Variants in DLGAP1 observed in about 807,000 individuals in gnomAD.
DLGAP1 encodes the protein disks large-associated protein 1.
In DLGAP1, 11 loss-of-function variants were observed where a neutral mutation model predicts 90.8. That is an observed-to-expected ratio of 0.12 (90% CI 0.08 to 0.20). The LOEUF (loss-of-function observed/expected upper bound fraction) is 0.20, where lower values mean the gene tolerates loss of function less well. Ranked by LOEUF, DLGAP1 falls within the 10% of genes least tolerant of loss-of-function variation. The pLI is 1.00. For missense variants in DLGAP1, 1,050 were observed against 1,333.8 expected (o/e 0.79, Z 3.31); for synonymous variants, 558 against 540.7 (o/e 1.03, Z -0.44).
chr18:4,018,159 A>G (rs1261656182), intron 2 of DLGAP1, among the ~76,000 whole-genome samples: 1 of 152,194 alleles, frequency 6.6e-6, no homozygotes, highest in African/African-American at 2.4e-5. Flanking sequence ...GTTTGCTTCC[A>G]TGGAGGTCTG....
intron 8 of DLGAP1, among the ~76,000 whole-genome samples, chr18:3,569,074 C>A (rs1198915632): frequency 6.6e-6 from 1 of 151,672 alleles, no homozygotes; most frequent in Non-Finnish European, 1.5e-5. Flanking sequence ...GCAATCTCAG[C>A]TCCTGCAACC....
chr18:4,291,719 A>T (rs757546003), intron 1 of DLGAP1, among the ~76,000 whole-genome samples: 3 of 152,174 alleles, frequency 2.0e-5, no homozygotes, highest in Non-Finnish European at 4.4e-5. Context: ...TATTGTGTTT[A>T]TTGTTAAAAT....
At chr18:4,427,911 A>T (rs998712219) in intron 1 of DLGAP1, among the ~76,000 whole-genome samples, 4 of 152,228 alleles carry the variant, frequency 2.6e-5, no homozygotes, top group African/African-American at 9.6e-5. Context: ...GTGTTATTGC[A>T]AAATCATTTC....
chr18:4,115,394 G>C (rs968986121), intron 2 of DLGAP1, among the ~76,000 whole-genome samples: 6 of 151,198 alleles, frequency 4.0e-5, no homozygotes, highest in African/African-American at 1.2e-4. Context: ...TATTTATATA[G>C]TTTGCTGTAT....
At chr18:4,250,586 T>C (rs1317665248) in intron 1 of DLGAP1, among the ~76,000 whole-genome samples, 1 of 152,230 alleles carries the variant, frequency 6.6e-6, no homozygotes, top group Non-Finnish European at 1.5e-5. Flanking sequence ...TTTAGTGGCA[T>C]TGTACCTTCT....
At chr18:4,154,420 T>G (rs2076722784) in intron 1 of DLGAP1, among the ~76,000 whole-genome samples, 2 of 152,108 alleles carry the variant, frequency 1.3e-5, no homozygotes, top group South Asian at 4.1e-4. Context: ...TTTCTGTAAC[T>G]CTGCAGCCAG....
intron 4 of DLGAP1, among the ~76,000 whole-genome samples, chr18:3,840,310 T>C (rs891945146): frequency 6.6e-6 from 1 of 152,196 alleles, no homozygotes; most frequent in South Asian, 2.1e-4. Flanking sequence ...AAGTCCAAAA[T>C]AGTTTCACTG....
chr18:4,316,680 CCTGA>C (rs1205442352), intron 1 of DLGAP1, among the ~76,000 whole-genome samples: 1 of 152,180 alleles, frequency 6.6e-6, no homozygotes, highest in African/African-American at 2.4e-5. Context: ...GCAGCCATAT[CCTGA>C]CTATGTGCAG....
intron 1 of DLGAP1, among the ~76,000 whole-genome samples, chr18:4,344,721 A>G (rs980801064): frequency 6.6e-6 from 1 of 152,302 alleles, no homozygotes; most frequent in Middle Eastern, 3.4e-3. Flanking sequence ...GTCATGGCCA[A>G]AAGGTGGCAG....
chr18:4,177,088 G>A (rs376542430), intron 1 of DLGAP1, among the ~76,000 whole-genome samples: 3 of 152,132 alleles, frequency 2.0e-5, no homozygotes, highest in African/African-American at 7.2e-5. Flanking sequence ...GAGGTGGGTC[G>A]AGCTCCTCTT....
At position 3,720,888 on chromosome 18, in the gene DLGAP1, C is replaced by CAAAAAAAAAAAAAAAAAAAAAAAAAAAAA. The variant is rs1186426563; in HGVS notation, c.1591+8246_1591+8247insTTTTTTTTTTTTTTTTTTTTTTTTTTTTT. On this transcript the variant is annotated intron_variant, in intron 7 of 12. Transcript: ENST00000315677. The stretch of plus-strand genomic sequence containing the variant: ...GCAACATACTAAGACCTTGTCTCTA[C>CAAAAAAAAAAAAAAAAAAAAAAAAAAAAA]AAAAAAAAAAAAAAAAAAAAATTAG... 4.2e-4 allele frequency among the ~76,000 whole-genome samples: 21 copies of CAAAAAAAAAAAAAAAAAAAAAAAAAAAAA among 50,310 alleles called. 1 individual carries two copies. The highest frequency in any genetic ancestry group is 1.6e-3 in the African/African-American group (20 of 12,490). The allele number at this position is 50,310 out of a possible 152,430, so 33.0% of individuals were successfully genotyped here.
chr18:4,448,016 G>A (rs956127010), intron 1 of DLGAP1, among the ~76,000 whole-genome samples: 9 of 152,156 alleles, frequency 5.9e-5, no homozygotes, highest in African/African-American at 2.2e-4. Context: ...AACTGGAGGA[G>A]AGAACCATCT....
Position 4,038,349 on chromosome 18 carries a change from T to C in DLGAP1, c.-158-33148A>G, listed in dbSNP as rs191456692. Among the ~76,000 whole-genome samples the C allele has an allele frequency of 5.3e-5, 8 of 152,324 alleles. No homozygotes were observed. In the East Asian group the frequency reaches 1.5e-3, roughly 29 times the overall value. ...ATGCATTCAGATAAACACACACTCT[T>C]GAAGGTAATATGTATGGGCTTCAGT... On this transcript the variant is annotated intron_variant, in intron 2 of 12. Coordinates refer to ENST00000315677, the MANE Select transcript of DLGAP1 (RefSeq NM_004746.4).
chr18:3,751,954 G>A (rs943409403), intron 5 of DLGAP1, among the ~76,000 whole-genome samples: 4 of 148,822 alleles, frequency 2.7e-5, no homozygotes, highest in African/African-American at 1.0e-4. Flanking sequence ...CGCGATCTTG[G>A]CTCACTGCAA....
rs55728097 is a variant in DLGAP1, at chr18:3,975,101, T to G, written c.-73+30015A>C. 4.6e-3 allele frequency among the ~76,000 whole-genome samples: 702 copies of G among 152,224 alleles called. 7 individuals are homozygous for G. Among genetic ancestry groups the G allele is most frequent in the African/African-American group, 0.016 (656 of 41,546 alleles). On this transcript the variant is annotated intron_variant, in intron 3 of 12. Transcript: ENST00000315677. Reference sequence around the variant, plus strand: ...TTTGCAAGATGAAGATTTCTGGAGATCTGTTGCACCACAATGTGAAGGTAC... The same window carrying G: ...TTTGCAAGATGAAGATTTCTGGAGAGCTGTTGCACCACAATGTGAAGGTAC...
intron 2 of DLGAP1, among the ~76,000 whole-genome samples, chr18:4,121,419 T>C (rs1362645379): frequency 6.6e-6 from 1 of 152,068 alleles, no homozygotes; most frequent in Non-Finnish European, 1.5e-5. Context: ...TAAAATCTAC[T>C]TTTAGCAAAG....
intron 7 of DLGAP1, among the ~76,000 whole-genome samples, chr18:3,623,629 C>T (rs2058180627): frequency 6.6e-6 from 1 of 151,924 alleles, no homozygotes; most frequent in African/African-American, 2.4e-5. Flanking sequence ...ATACAAAAAT[C>T]AGCCGGGCGT....
intron 7 of DLGAP1, among the ~76,000 whole-genome samples, chr18:3,602,487 C>G (rs1045710720): frequency 6.9e-6 from 1 of 144,340 alleles, no homozygotes; most frequent in Admixed American, 7.2e-5. Context: ...CCCAGCTACT[C>G]GGGAGGCTGA....
chr18:4,323,915 A>C (rs1195220482), intron 1 of DLGAP1, among the ~76,000 whole-genome samples: 1 of 152,192 alleles, frequency 6.6e-6, no homozygotes, highest in Non-Finnish European at 1.5e-5. Flanking sequence ...TTCACCTCAA[A>C]AAGTAGACAG....
Sources: gnomAD v4.1 joint callset for allele counts (sites outside exome capture counted in the v4.1 genomes callset) on GRCh38, gnomAD v4.1.1 for gene constraint, MANE v1.5 for transcripts, NCBI Gene and HGNC (gene_info 2026-07-23, HGNC 2026-07-21) for gene names.